The following PDE1C variants were observed in gnomAD, a reference collection of about 807,000 sequenced individuals.
PDE1C encodes the protein dual specificity calcium/calmodulin-dependent 3',5'-cyclic nucleotide phosphodiesterase 1C.
In PDE1C, 62 loss-of-function variants were observed where a neutral mutation model predicts 93.1. That is an observed-to-expected ratio of 0.67 (90% CI 0.54 to 0.82). The LOEUF (loss-of-function observed/expected upper bound fraction) is 0.82, where lower values mean the gene tolerates loss of function less well. Among genes scored for constraint, PDE1C ranks in the 40% least tolerant of loss-of-function variants. The pLI is 0.00. For missense variants in PDE1C, 742 were observed against 884.6 expected, an observed-to-expected ratio of 0.84 and a Z score of 2.04; for synonymous variants, 325 against 310.1, an observed-to-expected ratio of 1.05 and a Z score of -0.50.
intron 6 of PDE1C, among the ~76,000 whole-genome samples, chr7:31,871,210 A>C (rs1347695771): frequency 6.6e-6 from 1 of 151,932 alleles, no homozygotes; most frequent in Non-Finnish European, 1.5e-5. Flanking sequence ...ATCTCTCATC[A>C]TATACAAAAA....
intron 15 of PDE1C, among the ~76,000 whole-genome samples, chr7:31,814,081 T>TACACACACAC (rs141676874): frequency 1.4e-4 from 21 of 149,426 alleles, no homozygotes; most frequent in African/African-American, 3.9e-4. Flanking sequence ...CATATATATG[T>TACACACACAC]ACACACACAC....
chr7:31,710,216 C>G, the PDE1C span, among the ~76,000 whole-genome samples: 5 of 152,146 alleles, frequency 3.3e-5, no homozygotes, highest in Non-Finnish European at 7.3e-5. Flanking sequence ...AAAGAAGGCT[C>G]AAACTAAAAG....
At chr7:32,335,566 T>C (rs1284382352) in intron 1 of PDE1C, among the ~76,000 whole-genome samples, 1 of 152,182 alleles carries the variant, frequency 6.6e-6, no homozygotes, top group Admixed American at 6.5e-5. Context: ...GGCTTGTCGA[T>C]GGCCATCTTC....
At chr7:32,115,745 G>A (rs1317151871) in intron 3 of PDE1C, among the ~76,000 whole-genome samples, 1 of 152,166 alleles carries the variant, frequency 6.6e-6, no homozygotes, top group African/African-American at 2.4e-5. Context: ...ATAAATGTAG[G>A]AGACTTCATT....
At chr7:32,407,134 G>T (rs1785069901) in intron 1 of PDE1C, among the ~76,000 whole-genome samples, 1 of 152,080 alleles carries the variant, frequency 6.6e-6, no homozygotes, top group Admixed American at 6.6e-5. Flanking sequence ...AATTATCGGG[G>T]TGTAGTGGTG....
chr7:31,627,250 A>G, the PDE1C span, among the ~76,000 whole-genome samples: 9 of 152,244 alleles, frequency 5.9e-5, no homozygotes, highest in African/African-American at 2.2e-4. Context: ...AAGTGAGACT[A>G]CATCAAATAA....
chr7:32,118,614 T>G (rs1799120647), intron 3 of PDE1C, among the ~76,000 whole-genome samples: 1 of 152,172 alleles, frequency 6.6e-6, no homozygotes, highest in East Asian at 1.9e-4. Context: ...AGCATGGTGC[T>G]GGCATCTGGT....
intron 3 of PDE1C, among the ~76,000 whole-genome samples, chr7:32,139,628 G>A (rs1034617425): frequency 1.3e-5 from 2 of 152,126 alleles, no homozygotes; most frequent in African/African-American, 4.8e-5. Flanking sequence ...AGAGGAGACT[G>A]ATGCTTCCAA....
At chr7:31,772,512 C>CTT (rs879788939) in intron 17 of PDE1C, among the ~76,000 whole-genome samples, 1 of 111,604 alleles carries the variant, frequency 9.0e-6, no homozygotes. Context: ...CTCTCTCTCT[C>CTT]TTTTTTTTTT....
At chr7:32,043,724 T>C (rs961387707) in intron 2 of PDE1C, among the ~76,000 whole-genome samples, 1 of 152,158 alleles carries the variant, frequency 6.6e-6, no homozygotes. Flanking sequence ...TTGAGTTCCA[T>C]GTTGCAGGGA....
the PDE1C span, among the ~76,000 whole-genome samples, chr7:31,718,302 A>ATAG: frequency 6.6e-6 from 1 of 152,056 alleles, no homozygotes; most frequent in South Asian, 2.1e-4. Flanking sequence ...AAATGGGCCC[A>ATAG]CCAAGAGATT....
At chr7:32,219,674 C>A (rs1197436035) in intron 1 of PDE1C, among the ~76,000 whole-genome samples, 1 of 152,232 alleles carries the variant, frequency 6.6e-6, no homozygotes, top group Non-Finnish European at 1.5e-5. Flanking sequence ...CCATAAGCAT[C>A]AGGCTGCAGG....
At chr7:31,993,785 G>A (rs919047166) in intron 2 of PDE1C, among the ~76,000 whole-genome samples, 5 of 152,144 alleles carry the variant, frequency 3.3e-5, no homozygotes, top group Non-Finnish European at 5.9e-5. Flanking sequence ...ATATTGACAC[G>A]TCTTTTAATC....
At chr7:32,097,436 T>C (rs1458791132) in intron 3 of PDE1C, among the ~76,000 whole-genome samples, 1 of 152,182 alleles carries the variant, frequency 6.6e-6, no homozygotes, top group Non-Finnish European at 1.5e-5. Flanking sequence ...AGGGCTCAGA[T>C]GCCTAAATAA....
At chr7:32,168,824 C>T (rs1330340287) in intron 3 of PDE1C, among the ~76,000 whole-genome samples, 1 of 152,176 alleles carries the variant, frequency 6.6e-6, no homozygotes, top group Non-Finnish European at 1.5e-5. Flanking sequence ...AATGAAATGG[C>T]TCTCACTGAG....
chr7:32,007,475 TCA>T (rs996822320), intron 2 of PDE1C, among the ~76,000 whole-genome samples: 1 of 152,210 alleles, frequency 6.6e-6, no homozygotes, highest in African/African-American at 2.4e-5. Context: ...CGAGAAGGAA[TCA>T]CATGTGTAAA....
At chr7:32,185,454 T>C (rs984195813) in intron 2 of PDE1C, among the ~76,000 whole-genome samples, 1 of 152,146 alleles carries the variant, frequency 6.6e-6, no homozygotes, top group Non-Finnish European at 1.5e-5. Flanking sequence ...TTCCCCAATA[T>C]TTGAATAAAA....
At chr7:31,774,357 G>T (rs10254632) in intron 17 of PDE1C, among the ~76,000 whole-genome samples, 50,875 of 151,968 alleles carry the variant, frequency 0.33, 8,979 homozygotes, top group African/African-American at 0.43. Context: ...TTTTCTCTTA[G>T]CAAATCAGTA....
chr7:32,116,447 A>G (rs1288937420), intron 3 of PDE1C, among the ~76,000 whole-genome samples: 1 of 152,182 alleles, frequency 6.6e-6, no homozygotes, highest in African/African-American at 2.4e-5. Context: ...ACACATCATA[A>G]TAACCAAGAA....
Sources: gnomAD v4.1 joint callset for allele counts (sites outside exome capture counted in the v4.1 genomes callset) on GRCh38, gnomAD v4.1.1 for gene constraint, MANE v1.5 for transcripts, NCBI Gene and HGNC (gene_info 2026-07-23, HGNC 2026-07-21) for gene names.